The following DAGLA variants were observed in gnomAD, a reference collection of about 807,000 sequenced individuals.
DAGLA encodes the protein diacylglycerol lipase alpha, also known as diacylglycerol lipase-alpha.
Under a neutral mutation model 102.6 loss-of-function variants are expected in DAGLA, and 22 were observed. The observed-to-expected ratio is 0.21, with a 90% confidence interval of 0.15 to 0.31. The LOEUF (loss-of-function observed/expected upper bound fraction) is 0.31, where lower values mean the gene tolerates loss of function less well. DAGLA is among the 10% of genes least tolerant of loss of function. DAGLA has a pLI of 1.00. For missense variants in DAGLA, 927 were observed against 1,446.6 expected (o/e 0.64, Z 5.83); for synonymous variants, 578 against 628.9 (o/e 0.92, Z 1.21).
intron 1 of DAGLA, among the ~76,000 whole-genome samples, chr11:61,703,696 T>TGGAC (rs2065127592): frequency 6.6e-6 from 1 of 151,280 alleles, no homozygotes; most frequent in African/African-American, 2.4e-5. Flanking sequence ...GATGGATGGA[T>TGGAC]GGATGGATGG....
chr11:61,706,868 G>A (rs961650428), intron 1 of DAGLA, among the ~76,000 whole-genome samples: 11 of 152,188 alleles, frequency 7.2e-5, no homozygotes, highest in Admixed American at 7.2e-4. Context: ...GGCCTCTGCC[G>A]GTCTCACCAG....
intron 9 of DAGLA, among the ~76,000 whole-genome samples, chr11:61,731,715 G>A (rs2065377083): frequency 6.6e-6 from 1 of 152,190 alleles, no homozygotes; most frequent in African/African-American, 2.4e-5. Context: ...TATCTGCGAA[G>A]TGGAGATGTT....
intron 1 of DAGLA, among the ~76,000 whole-genome samples, chr11:61,690,829 C>T (rs1033308140): frequency 2.6e-5 from 4 of 152,168 alleles, no homozygotes; most frequent in African/African-American, 7.2e-5. Context: ...CCTCTTGCTG[C>T]GAAGGCCAGG....
rs2065476750 is a variant in DAGLA at position 61,741,290 on chromosome 11, C to A, written c.2112C>A (p.Pro704=). Residue 704 remains proline (P), a synonymous_variant, in exon 19 of 20, where the codon CCC becomes CCA. Transcript: ENST00000257215. ...FQQQPLPTGP[P]MPTGLALELP... ...AGCAGCCACTCCCCACGGGGCCGCC[C>A]ATGCCCACTGGCCTTGCCCTGGAGC... 23 of 1,612,702 alleles carry A rather than the reference C, an allele frequency of 1.4e-5. No individual in the cohort carries two copies. The highest frequency in any genetic ancestry group is 1.7e-5 in the Non-Finnish European group (20 of 1,180,018).
At chr11:61,681,132 G>A (rs2064939109) in intron 1 of DAGLA, among the ~76,000 whole-genome samples, 1 of 152,178 alleles carries the variant, frequency 6.6e-6, no homozygotes, top group Non-Finnish European at 1.5e-5. Context: ...CTGATGAATG[G>A]GAAGGGTAAA....
chr11:61,703,538 G>A (rs1252852243), intron 1 of DAGLA, among the ~76,000 whole-genome samples: 1 of 152,208 alleles, frequency 6.6e-6, no homozygotes, highest in Non-Finnish European at 1.5e-5. Context: ...AGAAGGCCAG[G>A]GTGCCTGGGA....
At chr11:61,705,970 C>T (rs1368574718) in intron 1 of DAGLA, among the ~76,000 whole-genome samples, 1 of 152,232 alleles carries the variant, frequency 6.6e-6, no homozygotes, top group Admixed American at 6.5e-5. Context: ...TGGGCCAGCC[C>T]AGCCTGGGGT....
chr11:61,730,621 C>G (rs932050904), intron 8 of DAGLA, among the ~76,000 whole-genome samples: 1 of 152,192 alleles, frequency 6.6e-6, no homozygotes, highest in Non-Finnish European at 1.5e-5. Context: ...CTGCCTCTTC[C>G]TCCCTCCACC....
chr11:61,721,450 C>T (rs1013285505), intron 3 of DAGLA, among the ~76,000 whole-genome samples: 1 of 152,190 alleles, frequency 6.6e-6, no homozygotes. Flanking sequence ...GGTATTGTCT[C>T]CAGCTGCTTT....
chr11:61,703,592 C>T (rs1017787725), intron 1 of DAGLA, among the ~76,000 whole-genome samples: 39 of 152,206 alleles, frequency 2.6e-4, no homozygotes, highest in African/African-American at 9.4e-4. Flanking sequence ...GGCTGGCAGG[C>T]CAACGTAAGA....
chr11:61,737,168 C>T lies in DAGLA; in HGVS notation c.1372-14C>T. The T allele has an allele frequency of 6.2e-7, 1 of 1,613,368 alleles. No homozygotes were observed. The highest frequency in any genetic ancestry group is 1.3e-5 in the African/African-American group (1 of 75,050). ...GCATTGGGGCAGGGCTCTCAGGCTT[C>T]TCTCGGTCTCCAGGGCCGCGGAACC... is the stretch of plus-strand genomic sequence containing the variant. On this transcript the variant is annotated splice_polypyrimidine_tract_variant and intron_variant, in intron 13 of 19. Transcript: ENST00000257215.
At chr11:61,699,497 A>G (rs568874924) in intron 1 of DAGLA, among the ~76,000 whole-genome samples, 1 of 152,268 alleles carries the variant, frequency 6.6e-6, no homozygotes, top group Admixed American at 6.5e-5. Context: ...GCCTCATCCC[A>G]TTTAACCTTC....
At chr11:61,697,070 G>A (rs924876384) in intron 1 of DAGLA, among the ~76,000 whole-genome samples, 2 of 152,182 alleles carry the variant, frequency 1.3e-5, no homozygotes, top group African/African-American at 4.8e-5. Context: ...CAGGACCCTG[G>A]CATGGTTCGG....
At chr11:61,687,581 G>T (rs1259889676) in intron 1 of DAGLA, among the ~76,000 whole-genome samples, 1 of 152,100 alleles carries the variant, frequency 6.6e-6, no homozygotes, top group Non-Finnish European at 1.5e-5. Flanking sequence ...CACCCGCCTC[G>T]CTCGGCCTCC....
chr11:61,745,194 C>T lies in DAGLA; in HGVS notation c.*705C>T, dbSNP rs991885537. On this transcript the variant is annotated 3_prime_UTR_variant, in exon 20 of 20. Transcript: ENST00000257215. ...TGTGCCTCTCATGCTGCCTCCTCTG[C>T]CCATGGGTCCTGGGCACCCAGGCCT... 1 of 153,294 alleles carries T rather than the reference C, an allele frequency of 6.5e-6. No individual in the cohort carries two copies. Among genetic ancestry groups the T allele is most frequent in the East Asian group, 1.9e-4 (1 of 5,298 alleles). The allele number at this position is 153,294 out of a possible 1,614,324, so 9.5% of individuals were successfully genotyped here.
At chr11:61,687,671 C>T (rs902093775) in intron 1 of DAGLA, among the ~76,000 whole-genome samples, 1 of 152,220 alleles carries the variant, frequency 6.6e-6, no homozygotes. Flanking sequence ...ATCTGAATAG[C>T]GCTGGCGCCC....
At chr11:61,698,421 C>T (rs572675594) in intron 1 of DAGLA, among the ~76,000 whole-genome samples, 1 of 152,378 alleles carries the variant, frequency 6.6e-6, no homozygotes. Context: ...TTCCGGTGCA[C>T]TTCCCTTTCC....
At chr11:61,713,696 C>G (rs1271358517) in intron 1 of DAGLA, among the ~76,000 whole-genome samples, 1 of 152,230 alleles carries the variant, frequency 6.6e-6, no homozygotes, top group Non-Finnish European at 1.5e-5. Flanking sequence ...TGAGCCCACC[C>G]TAGCTGGGGT....
intron 5 of DAGLA, among the ~76,000 whole-genome samples, chr11:61,725,569 G>A (rs779326627): frequency 2.6e-5 from 4 of 152,166 alleles, no homozygotes; most frequent in Admixed American, 6.5e-5. Flanking sequence ...AGAATGAGAC[G>A]ACAGGGAGGC....
Sources: allele counts gnomAD v4.1 joint callset (sites outside exome capture counted in the v4.1 genomes callset), GRCh38; gene constraint gnomAD v4.1.1; transcripts MANE v1.5; gene names NCBI Gene and HGNC (gene_info 2026-07-23, HGNC 2026-07-21).